The following NUP133 variants were observed in gnomAD, a reference collection of about 807,000 sequenced individuals.
NUP133 encodes the protein nuclear pore complex protein Nup133.
In NUP133, 66 loss-of-function variants were observed where a neutral mutation model predicts 146.2. The observed-to-expected ratio is 0.45, with a 90% CI of 0.37 to 0.55. NUP133 has a LOEUF of 0.55. Ranked by LOEUF, NUP133 falls within the 20% of genes least tolerant of loss-of-function variation. NUP133 has a pLI of 0.00. For missense variants in NUP133, 1,277 were observed against 1,374.8 expected (o/e 0.93, Z 1.12); for synonymous variants, 521 against 498.8 (o/e 1.04, Z -0.59).
intron 1 of NUP133, 117 bp downstream of exon 1, chr1:229,507,951 C>T: frequency 2.3e-6 from 3 of 1,289,910 alleles, no homozygotes; most frequent in Non-Finnish European, 3.0e-6. Context: ...TTTTCCAATA[C>T]TGTGGCATTC....
Position 229,441,250 on chromosome 1 carries a change from A to G in NUP133, c.*654T>C, listed in dbSNP as rs1269197241. On this transcript the variant is annotated 3_prime_UTR_variant, in exon 26 of 26. Coordinates refer to ENST00000261396, the MANE Select transcript of NUP133 (RefSeq NM_018230.3). ...AGATTAGAACTAAACATCAACAGTA[A>G]TTTCTAGATAGGTTAGAAAACCACA... 2 of 345,170 alleles carry G rather than the reference A, an allele frequency of 5.8e-6. No homozygotes were observed. Among genetic ancestry groups the G allele is most frequent in the Non-Finnish European group, 1.2e-5 (2 of 173,736 alleles). The allele number at this position is 345,170 out of a possible 1,614,324, so 21.4% of individuals were successfully genotyped here.
Position 229,506,098 on chromosome 1 carries a change from C to A in NUP133, c.243G>T (p.Val81=). 1 of 1,613,678 alleles carries A rather than the reference C, an allele frequency of 6.2e-7. No individual in the cohort carries two copies. Among genetic ancestry groups the A allele is most frequent in the South Asian group, 1.1e-5 (1 of 91,060 alleles). The change falls in exon 2 of 26, where the codon GTG becomes GTT. Residue 81 remains valine (V), a synonymous_variant. Transcript: ENST00000261396. ...HSITESVNYD[V]KTFGSSLPVK... is the part of the protein sequence containing the mutation. ...CAGGAAGAGAAGATCCAAACGTTTTCACATCATAGTTCACAGACTCAGTTA... is the reference window on the plus strand; with the variant it reads ...CAGGAAGAGAAGATCCAAACGTTTTAACATCATAGTTCACAGACTCAGTTA...
chr1:229,486,713 A>G (rs1661360397), intron 10 of NUP133, among the ~76,000 whole-genome samples, 185 bp from the exon 11 acceptor site: 1 of 152,164 alleles, frequency 6.6e-6, no homozygotes, highest in Non-Finnish European at 1.5e-5. Context: ...ACCGGTTGCT[A>G]TCTGAAGAAG....
intron 24 of NUP133, 30 bp downstream of exon 24, chr1:229,449,096 T>C: frequency 6.4e-7 from 1 of 1,563,454 alleles, no homozygotes; most frequent in Non-Finnish European, 8.8e-7. Flanking sequence ...TTTCTATACT[T>C]TCCAAAGAAG....
At chr1:229,449,868 T>C (rs936328907) in intron 23 of NUP133, among the ~76,000 whole-genome samples, 3 of 105,778 alleles carry the variant, frequency 2.8e-5, no homozygotes, top group South Asian at 3.2e-4. Context: ...TATATATATA[T>C]ATATATTTTT....
intron 1 of NUP133, among the ~76,000 whole-genome samples, chr1:229,507,076 A>C (rs1179563781): frequency 6.6e-6 from 1 of 152,228 alleles, no homozygotes; most frequent in Non-Finnish European, 1.5e-5. Context: ...AGGATAACAA[A>C]GGTTTTTCTT....
Position 229,472,707 on chromosome 1 carries a change from C to CATATATATATATATAT in NUP133, c.1852-1919_1852-1904dup, listed in dbSNP as rs372362492. Among the ~76,000 whole-genome samples the CATATATATATATATAT allele has an allele frequency of 1.9e-3, 235 of 124,294 alleles. 5 individuals are homozygous for CATATATATATATATAT. Among genetic ancestry groups the CATATATATATATATAT allele is most frequent in the Middle Eastern group, 9.0e-3 (2 of 222 alleles). 81.5% of individuals were successfully genotyped at this position (124,294 alleles called of 152,430 possible). ...CAAAAAAATTAAAAAACTAAATATA[C>CATATATATATATATAT]ATATATATATATATATATATGTACA... On this transcript the variant is annotated intron_variant, in intron 14 of 25. Transcript: ENST00000261396.
chr1:229,464,710 G>T lies in NUP133; in HGVS notation c.2465C>A (p.Ser822Tyr). The change falls in exon 18 of 26, where the codon TCT (serine) becomes TAT (tyrosine). Residue 822 changes from serine (S) to tyrosine (Y), a missense_variant. By Grantham distance (144) the Ser-to-Tyr change is moderately radical. Coordinates refer to ENST00000261396, the MANE Select transcript of NUP133 (RefSeq NM_018230.3). ...TTCCCGATTACTGGATTTATCCACA[G>T]ACTTAAGCTGAGAAACATAACCATC... ...FLDGYVSQLK[S>Y]VDKSSNRERY... 6.2e-7 allele frequency: 1 copy of T among 1,614,172 alleles called. No individual in the cohort carries two copies. The highest frequency in any genetic ancestry group is 1.3e-5 in the African/African-American group (1 of 75,042).
chr1:229,498,624 T>G (rs2102783993), intron 5 of NUP133, among the ~76,000 whole-genome samples: 1 of 152,034 alleles, frequency 6.6e-6, no homozygotes, highest in East Asian at 1.9e-4. Flanking sequence ...GGCGTGGCGG[T>G]GCGCACCTGT....
intron 5 of NUP133, among the ~76,000 whole-genome samples, chr1:229,498,997 C>G (rs1661728917): frequency 6.6e-6 from 1 of 152,144 alleles, no homozygotes; most frequent in Non-Finnish European, 1.5e-5. Context: ...CTCCTGGGCT[C>G]AAGAGATCCT....
At chr1:229,506,364 T>C (rs1460671374) in intron 1 of NUP133, among the ~76,000 whole-genome samples, 1 of 151,206 alleles carries the variant, frequency 6.6e-6, no homozygotes, top group African/African-American at 2.4e-5. Flanking sequence ...CCATAGACTC[T>C]AGTATTGAAA....
chr1:229,452,984 CCAT>C (rs1660489397), intron 21 of NUP133, among the ~76,000 whole-genome samples: 1 of 149,932 alleles, frequency 6.7e-6, no homozygotes, highest in Non-Finnish European at 1.5e-5. Context: ...GGAGATCTCT[CCAT>C]CATATTTTAT....
chr1:229,459,588 T>C (rs1426532172), intron 20 of NUP133, among the ~76,000 whole-genome samples: 1 of 152,172 alleles, frequency 6.6e-6, no homozygotes, highest in African/African-American at 2.4e-5. Context: ...TTCCATGAGT[T>C]CAATTGTTTT....
chr1:229,473,219 T>C (rs1660999390), intron 14 of NUP133, among the ~76,000 whole-genome samples: 1 of 152,130 alleles, frequency 6.6e-6, no homozygotes, highest in Non-Finnish European at 1.5e-5. Context: ...GCCACTGCAC[T>C]CCACCTTGGG....
chr1:229,456,956 TA>T (rs1386711837), intron 21 of NUP133, among the ~76,000 whole-genome samples: 1 of 151,408 alleles, frequency 6.6e-6, no homozygotes, highest in East Asian at 1.9e-4. Context: ...GCCTCCCCAG[TA>T]GCTGGGACTA....
intron 21 of NUP133, among the ~76,000 whole-genome samples, chr1:229,457,836 A>G (rs1660602932): frequency 6.6e-6 from 1 of 152,212 alleles, no homozygotes; most frequent in African/African-American, 2.4e-5. Context: ...CCTACAACAA[A>G]CCCACTGTGT....
rs573898972 is a variant in NUP133 at position 229,508,317 on chromosome 1, G to T, written c.-68C>A. 1 of 1,239,946 alleles carries T rather than the reference G, an allele frequency of 8.1e-7. No homozygotes were observed. Among genetic ancestry groups the T allele is most frequent in the Non-Finnish European group, 1.1e-6 (1 of 941,970 alleles). 76.8% of individuals were successfully genotyped at this position (1,239,946 alleles called of 1,614,324 possible). A position where few individuals can be genotyped will look rare whatever the true frequency, so the allele number is the denominator to read the frequency against. ...TCAGGTTGCAGCCTGGCCTGCGCGCGGAACTTAAACACCTAAGGGAAGAGA... is the reference window on the plus strand; with the variant it reads ...TCAGGTTGCAGCCTGGCCTGCGCGCTGAACTTAAACACCTAAGGGAAGAGA... On this transcript the variant is annotated 5_prime_UTR_variant, in exon 1 of 26. Coordinates refer to ENST00000261396, the MANE Select transcript of NUP133 (RefSeq NM_018230.3).
intron 13 of NUP133, 87 bp downstream of exon 13, chr1:229,477,510 G>T: frequency 1.0e-6 from 1 of 987,582 alleles, no homozygotes; most frequent in Non-Finnish European, 1.4e-6. Context: ...TGTTTGAGAA[G>T]CTAAAAAATA....
intron 1 of NUP133, among the ~76,000 whole-genome samples, chr1:229,506,900 T>C (rs1270780254): frequency 6.6e-6 from 1 of 151,306 alleles, no homozygotes; most frequent in African/African-American, 2.4e-5. Flanking sequence ...AGCTGTTACA[T>C]GGTCCTCAAC....
Sources: allele counts gnomAD v4.1 joint callset (sites outside exome capture counted in the v4.1 genomes callset), GRCh38; gene constraint gnomAD v4.1.1; transcripts MANE v1.5; gene names NCBI Gene and HGNC (gene_info 2026-07-23, HGNC 2026-07-21).